Variants in ANTXR1 observed in about 807,000 individuals in gnomAD.
The protein encoded by ANTXR1 is anthrax toxin receptor 1.
A neutral mutation model predicts 78.1 loss-of-function variants in ANTXR1; 19 were observed. The ratio of observed to expected loss-of-function variants is 0.24; its 90% CI spans 0.17 to 0.36. The LOEUF (loss-of-function observed/expected upper bound fraction) is 0.36, where lower values mean the gene tolerates loss of function less well. Among genes scored for constraint, ANTXR1 ranks in the 10% least tolerant of loss-of-function variants. The pLI is 1.00. For missense variants in ANTXR1, 518 were observed against 718.6 expected, an observed-to-expected ratio of 0.72 and a Z score of 3.19; for synonymous variants, 273 against 260.5, an observed-to-expected ratio of 1.05 and a Z score of -0.46.
rs765361538 is a variant in ANTXR1, at chr2:69,182,497, G to T, written c.1190G>T (p.Arg397Leu). The change falls in exon 16 of 18, where the codon CGT becomes CTT. Residue 397 changes from arginine to leucine, a missense_variant. Physicochemically the swap from Arg to Leu is moderately radical, Grantham distance 102. Transcript: ENST00000303714. Reference protein sequence around the residue: ...GVGGIKRMEVRWGEKGSTEEG... With the variant: ...GVGGIKRMEVLWGEKGSTEEG... The stretch of plus-strand genomic sequence containing the variant: ...ATTGTATTTTGTTTATTTTAGGTTC[G>T]TTGGGGAGAAAAGGGCTCCACAGAA... 6.2e-7 allele frequency: 1 copy of T among 1,614,072 alleles called. No individual in the cohort carries two copies. Among genetic ancestry groups the T allele is most frequent in the Admixed American group, 1.7e-5 (1 of 60,008 alleles).
At chr2:69,192,246 A>G (rs1052630932) in intron 16 of ANTXR1, among the ~76,000 whole-genome samples, 1 of 152,232 alleles carries the variant, frequency 6.6e-6, no homozygotes, top group African/African-American at 2.4e-5. Context: ...TCCAGATGTC[A>G]TAAGCCCCAA....
chr2:69,079,376 C>G (rs573869937), intron 8 of ANTXR1, among the ~76,000 whole-genome samples: 36 of 152,208 alleles, frequency 2.4e-4, no homozygotes, highest in Non-Finnish European at 4.4e-4. Context: ...GTGGATTATT[C>G]TGGGCAGGAG....
chr2:69,201,574 T>G (rs1674772765), intron 17 of ANTXR1, among the ~76,000 whole-genome samples: 1 of 152,188 alleles, frequency 6.6e-6, no homozygotes, highest in African/African-American at 2.4e-5. Flanking sequence ...AGTGTGGACA[T>G]AGCGGCAGTG....
At chr2:69,076,397 A>T (rs1670731822) in intron 7 of ANTXR1, among the ~76,000 whole-genome samples, 1 of 152,254 alleles carries the variant, frequency 6.6e-6, no homozygotes, top group Non-Finnish European at 1.5e-5. Context: ...GTGGGCAAAA[A>T]AATGTGTATA....
chr2:69,135,823 G>C (rs1672894105), intron 12 of ANTXR1, among the ~76,000 whole-genome samples: 1 of 151,942 alleles, frequency 6.6e-6, no homozygotes, highest in African/African-American at 2.4e-5. Context: ...AATAGATCAA[G>C]CAGCCAAAAG....
intron 17 of ANTXR1, among the ~76,000 whole-genome samples, chr2:69,214,550 C>T (rs1449763369): frequency 6.6e-6 from 1 of 152,154 alleles, no homozygotes; most frequent in African/African-American, 2.4e-5. Context: ...AACCTTCCTT[C>T]CTCCCCCAGC....
At chr2:69,023,932 A>T (rs1041271713) in intron 1 of ANTXR1, among the ~76,000 whole-genome samples, 1 of 152,238 alleles carries the variant, frequency 6.6e-6, no homozygotes, top group African/African-American at 2.4e-5. Context: ...TATGAGTGTG[A>T]CAGGGAAATA....
chr2:69,032,991 G>A (rs892546028), intron 1 of ANTXR1, among the ~76,000 whole-genome samples: 1 of 151,986 alleles, frequency 6.6e-6, no homozygotes, highest in Non-Finnish European at 1.5e-5. Context: ...TTTTTTTAAT[G>A]TTAGCAATGT....
chr2:69,162,253 AG>A (rs1433065532), intron 13 of ANTXR1, among the ~76,000 whole-genome samples: 9 of 152,118 alleles, frequency 5.9e-5, no homozygotes, highest in African/African-American at 2.2e-4. Flanking sequence ...TCAGTAACCT[AG>A]ATGTTTGGCT....
chr2:69,210,196 C>T (rs1400878729), intron 17 of ANTXR1, among the ~76,000 whole-genome samples: 1 of 152,210 alleles, frequency 6.6e-6, no homozygotes, highest in African/African-American at 2.4e-5. Flanking sequence ...CCTGCAGTGT[C>T]CATCCAAAAA....
rs967121596 is a variant in ANTXR1 at position 69,164,063 on chromosome 2, C to T, written c.1048-6185C>T. Among the ~76,000 whole-genome samples the T allele has an allele frequency of 3.6e-4, 54 of 152,078 alleles. 1 individual carries two copies. ...CTGTGTTGGAACAAAACAGACTGTG[C>T]GTGTAGTTTTCAAATTTTCAGAAAG... is the stretch of plus-strand genomic sequence containing the variant. On this transcript the variant is annotated intron_variant, in intron 13 of 17. Coordinates refer to ENST00000303714, the MANE Select transcript of ANTXR1 (RefSeq NM_032208.3).
chr2:69,085,899 C>A (rs1176382872), intron 8 of ANTXR1, among the ~76,000 whole-genome samples: 1 of 152,180 alleles, frequency 6.6e-6, no homozygotes, highest in Non-Finnish European at 1.5e-5. Context: ...TTGTCTTAGA[C>A]AACTGAACAG....
intron 17 of ANTXR1, among the ~76,000 whole-genome samples, chr2:69,206,771 C>T (rs763284016): frequency 2.0e-5 from 3 of 152,198 alleles, no homozygotes; most frequent in Non-Finnish European, 4.4e-5. Flanking sequence ...CTGCCCATAT[C>T]CCATGGTCCC....
chr2:69,077,991 T>C (rs1184908319), intron 8 of ANTXR1, among the ~76,000 whole-genome samples: 2 of 152,198 alleles, frequency 1.3e-5, no homozygotes, highest in African/African-American at 4.8e-5. Context: ...TCTTTAACTC[T>C]CCCCAGGTGA....
At chr2:69,095,230 T>C (rs1213381241) in intron 9 of ANTXR1, among the ~76,000 whole-genome samples, 3 of 152,332 alleles carry the variant, frequency 2.0e-5, no homozygotes, top group Middle Eastern at 3.4e-3. Flanking sequence ...TTCCCTCTTT[T>C]TCTTCCTGTT....
chr2:69,080,046 CTAATT>C (rs1670853578), intron 8 of ANTXR1, among the ~76,000 whole-genome samples: 1 of 152,174 alleles, frequency 6.6e-6, no homozygotes, highest in African/African-American at 2.4e-5. Context: ...AGAAAGAAAA[CTAATT>C]TGAGACTTTA....
intron 12 of ANTXR1, among the ~76,000 whole-genome samples, chr2:69,126,179 CCCT>C (rs1672530495): frequency 6.6e-6 from 1 of 152,180 alleles, no homozygotes; most frequent in Non-Finnish European, 1.5e-5. Flanking sequence ...ACAACAGTCT[CCCT>C]CCTAATGCCC....
At chr2:69,070,097 G>A (rs988130393) in intron 3 of ANTXR1, among the ~76,000 whole-genome samples, 48 of 152,176 alleles carry the variant, frequency 3.2e-4, no homozygotes, top group African/African-American at 1.1e-3. Flanking sequence ...AACAATCAGA[G>A]TAAGAAAACA....
At chr2:69,241,711 C>T (rs1035497706) in intron 17 of ANTXR1, among the ~76,000 whole-genome samples, 1 of 152,024 alleles carries the variant, frequency 6.6e-6, no homozygotes, top group Non-Finnish European at 1.5e-5. Flanking sequence ...CTGCAGCTCA[C>T]TCAGAAGACA....
Sources: gnomAD v4.1 joint callset for allele counts (sites outside exome capture counted in the v4.1 genomes callset) on GRCh38, gnomAD v4.1.1 for gene constraint, MANE v1.5 for transcripts, NCBI Gene and HGNC (gene_info 2026-07-23, HGNC 2026-07-21) for gene names.